Variants in TIAM1 observed in about 807,000 individuals in gnomAD.
TIAM1 encodes TIAM Rac1 associated GEF 1.
Under a neutral mutation model 163.5 loss-of-function variants are expected in TIAM1, and 65 were observed. The observed-to-expected ratio is 0.40, with a 90% CI of 0.33 to 0.49. TIAM1 has a LOEUF of 0.49. Among genes scored for constraint, TIAM1 ranks in the 20% least tolerant of loss-of-function variants. The pLI is 0.77. For missense variants in TIAM1, 1,789 were observed against 2,044.7 expected, an observed-to-expected ratio of 0.87 and a Z score of 2.41; for synonymous variants, 833 against 810.1, an observed-to-expected ratio of 1.03 and a Z score of -0.48.
At chr21:31,523,288 T>C (rs993123266) in intron 1 of TIAM1, among the ~76,000 whole-genome samples, 1 of 152,206 alleles carries the variant, frequency 6.6e-6, no homozygotes, top group Non-Finnish European at 1.5e-5. Context: ...AACTGAATAG[T>C]TCAATGCTTT....
intron 2 of TIAM1, among the ~76,000 whole-genome samples, chr21:31,437,864 C>T (rs1176155445): frequency 6.6e-6 from 1 of 152,154 alleles, no homozygotes. Flanking sequence ...TTATAAATTA[C>T]CAAATTTCAG....
Position 31,189,734 on chromosome 21 carries a change from G to A in TIAM1, c.2576-2647C>T, listed in dbSNP as rs113427676. Among the ~76,000 whole-genome samples the A allele has an allele frequency of 3.3e-3, 509 of 151,990 alleles. 2 individuals are homozygous for A. The highest frequency in any genetic ancestry group is 0.011 in the African/African-American group (459 of 41,462). ...CTTGCCTTGCAACAAACATGTGAGC[G>A]GCTTCCATTTAAAGATGCCAATACT... On this transcript the variant is annotated intron_variant, in intron 13 of 27. Transcript: ENST00000541036.
intron 15 of TIAM1, among the ~76,000 whole-genome samples, chr21:31,169,371 A>T (rs1405460552): frequency 1.3e-5 from 2 of 152,172 alleles, no homozygotes; most frequent in Non-Finnish European, 2.9e-5. Flanking sequence ...AATTAATAGA[A>T]TTTTTAGAAA....
chr21:31,519,253 C>T (rs1372243547), intron 1 of TIAM1, among the ~76,000 whole-genome samples: 10 of 140,266 alleles, frequency 7.1e-5, no homozygotes, highest in African/African-American at 1.6e-4. Context: ...TGCGGTGAGC[C>T]GAGATCGCGC....
At chr21:31,181,187 C>T (rs2084993808) in intron 15 of TIAM1, among the ~76,000 whole-genome samples, 1 of 152,176 alleles carries the variant, frequency 6.6e-6, no homozygotes. Context: ...TCATCTGTTC[C>T]ATCACTCACT....
chr21:31,256,588 T>TACACACACACACACAC lies in TIAM1; in HGVS notation c.964-4415_964-4400dup, dbSNP rs5030999. ...CCCCAAAATATTAAGTACCCCTCACTACACACACACACACACACACACACA... is the reference window on the plus strand; with the variant it reads ...CCCCAAAATATTAAGTACCCCTCACTACACACACACACACACACACACACACACACACACACACACA... On this transcript the variant is annotated intron_variant, in intron 4 of 27. Coordinates refer to ENST00000541036, the MANE Select transcript of TIAM1 (RefSeq NM_001353694.2). 6.9e-3 allele frequency among the ~76,000 whole-genome samples: 880 copies of TACACACACACACACAC among 128,220 alleles called. 43 individuals are homozygous for TACACACACACACACAC. The highest frequency in any genetic ancestry group is 8.8e-3 in the Middle Eastern group (2 of 226). The allele number at this position is 128,220 out of a possible 152,430, so 84.1% of individuals were successfully genotyped here. A position where few individuals can be genotyped will look rare whatever the true frequency, so the allele number is the denominator to read the frequency against.
chr21:31,342,346 T>C (rs1480192211), intron 1 of TIAM1, among the ~76,000 whole-genome samples: 1 of 151,794 alleles, frequency 6.6e-6, no homozygotes, highest in Non-Finnish European at 1.5e-5. Flanking sequence ...GCTTATTTAC[T>C]GGGAGAGGTG....
chr21:31,131,911 T>C (rs988192996), intron 23 of TIAM1, among the ~76,000 whole-genome samples: 3 of 152,214 alleles, frequency 2.0e-5, no homozygotes, highest in South Asian at 2.1e-4. Flanking sequence ...AGCTAGGAAG[T>C]AGGAGAAAGC....
intron 2 of TIAM1, among the ~76,000 whole-genome samples, chr21:31,295,000 G>A (rs765350766): frequency 2.0e-5 from 3 of 152,196 alleles, no homozygotes; most frequent in Non-Finnish European, 4.4e-5. Context: ...AGGTAAATAA[G>A]ATCCTGACGC....
At chr21:31,210,917 T>TA (rs1448763785) in intron 10 of TIAM1, among the ~76,000 whole-genome samples, 2 of 152,014 alleles carry the variant, frequency 1.3e-5, no homozygotes, top group Non-Finnish European at 2.9e-5. Flanking sequence ...ATGAGAACTT[T>TA]ACAGTTCAAA....
intron 2 of TIAM1, among the ~76,000 whole-genome samples, chr21:31,292,432 C>T (rs1260250329): frequency 2.7e-5 from 4 of 148,706 alleles, no homozygotes; most frequent in East Asian, 4.0e-4. Context: ...TGCAGTGATG[C>T]GATCTCGGCT....
chr21:31,167,717 C>T (rs1322020897), intron 15 of TIAM1, among the ~76,000 whole-genome samples: 3 of 152,132 alleles, frequency 2.0e-5, no homozygotes, highest in Non-Finnish European at 4.4e-5. Flanking sequence ...GCACTAGGCT[C>T]CCTGGCTCCT....
chr21:31,441,133 T>A (rs73902343), intron 2 of TIAM1, among the ~76,000 whole-genome samples: 6,709 of 152,242 alleles, frequency 0.044, 497 homozygotes, highest in African/African-American at 0.15. Flanking sequence ...GGAAGAATCC[T>A]TTGTGATTTT....
At chr21:31,327,115 A>C (rs1381862681) in intron 2 of TIAM1, among the ~76,000 whole-genome samples, 1 of 152,234 alleles carries the variant, frequency 6.6e-6, no homozygotes, top group South Asian at 2.1e-4. Context: ...CAAAAAGGGA[A>C]GTGATCAATG....
chr21:31,322,385 G>A (rs1268341164), intron 2 of TIAM1, among the ~76,000 whole-genome samples: 1 of 146,472 alleles, frequency 6.8e-6, no homozygotes, highest in African/African-American at 2.5e-5. Context: ...TGTACCTGTG[G>A]AGAGCACTCC....
Position 31,290,611 on chromosome 21 carries a change from C to T in TIAM1, c.-188-13703G>A, listed in dbSNP as rs948396145. Among the ~76,000 whole-genome samples, 4 of 141,854 alleles carry T rather than the reference C, an allele frequency of 2.8e-5. No individual in the cohort carries two copies. The East Asian group carries it at 8.1e-4, about 29-fold the overall frequency. 93.1% of individuals were successfully genotyped at this position (141,854 alleles called of 152,430 possible). The stretch of plus-strand genomic sequence containing the variant: ...GCAGTGAGCCAAGGTTGCCCCACTG[C>T]ACTCCGGCCCCGGTAACAGAGCAAG... On this transcript the variant is annotated intron_variant, in intron 2 of 27. Coordinates refer to ENST00000541036, the MANE Select transcript of TIAM1 (RefSeq NM_001353694.2).
Position 31,247,811 on chromosome 21 carries a change from G to C in TIAM1, c.1412-2151C>G, listed in dbSNP as rs79915190. Among the ~76,000 whole-genome samples, 1,431 of 152,216 alleles carry C rather than the reference G, an allele frequency of 9.4e-3. 28 individuals are homozygous for C. The highest frequency in any genetic ancestry group is 0.032 in the African/African-American group (1,333 of 41,502). ...TCCCAAAGATTTTGAGGATCTCAAG[G>C]CTTTTCAGGAACACTTGTATGAAAA... On this transcript the variant is annotated intron_variant, in intron 5 of 27. Transcript: ENST00000541036.
At chr21:31,384,476 G>A (rs1389931381) in intron 2 of TIAM1, among the ~76,000 whole-genome samples, 1 of 151,998 alleles carries the variant, frequency 6.6e-6, no homozygotes, top group African/African-American at 2.4e-5. Context: ...TCAGTAGGCT[G>A]AGGTGGGAGG....
At chr21:31,439,758 A>C (rs2044353827) in intron 2 of TIAM1, among the ~76,000 whole-genome samples, 1 of 152,194 alleles carries the variant, frequency 6.6e-6, no homozygotes, top group Non-Finnish European at 1.5e-5. Context: ...CCGCATCCTC[A>C]AAAAGTTGGC....
Sources: allele counts gnomAD v4.1 joint callset (sites outside exome capture counted in the v4.1 genomes callset), GRCh38; gene constraint gnomAD v4.1.1; transcripts MANE v1.5; gene names NCBI Gene and HGNC (gene_info 2026-07-23, HGNC 2026-07-21).